The following PIGK variants were observed in gnomAD, a reference collection of about 807,000 sequenced individuals.
PIGK encodes the protein GPI-anchor transamidase.
PIGK carries 42 observed loss-of-function variants against 50.6 expected under a neutral mutation model. The ratio of observed to expected loss-of-function variants is 0.83; its 90% CI spans 0.65 to 1.07. The LOEUF (loss-of-function observed/expected upper bound fraction) is 1.07, where lower values mean the gene tolerates loss of function less well. Ranked by LOEUF, PIGK falls within the 50% of genes least tolerant of loss-of-function variation. The pLI, the probability that PIGK is intolerant of heterozygous loss-of-function variation, is 0.00. For synonymous variants in PIGK, 151 were observed against 156.0 expected, an observed-to-expected ratio of 0.97 and a Z score of 0.24; for missense variants, 448 against 488.7, an observed-to-expected ratio of 0.92 and a Z score of 0.78.
chr1:77,166,404 C>CTAT (rs1655233228), intron 5 of PIGK, among the ~76,000 whole-genome samples: 1 of 152,108 alleles, frequency 6.6e-6, no homozygotes, highest in Admixed American at 6.6e-5. Context: ...TTTGCAATTT[C>CTAT]TATTAGACAC....
intron 3 of PIGK, among the ~76,000 whole-genome samples, chr1:77,174,943 T>C (rs1175138931): frequency 1.3e-5 from 2 of 152,134 alleles, no homozygotes; most frequent in Non-Finnish European, 2.9e-5. Flanking sequence ...TGTATAGTTA[T>C]GTATGCGTTC....
At chr1:77,204,797 C>A (rs1010481394) in intron 3 of PIGK, among the ~76,000 whole-genome samples, 1 of 152,266 alleles carries the variant, frequency 6.6e-6, no homozygotes, top group South Asian at 2.1e-4. Flanking sequence ...TTTTAAAATA[C>A]AAACTGTGTT....
chr1:77,109,225 T>C (rs1042568310), intron 10 of PIGK, among the ~76,000 whole-genome samples: 1 of 152,116 alleles, frequency 6.6e-6, no homozygotes, highest in Non-Finnish European at 1.5e-5. Flanking sequence ...TTCCAATTAA[T>C]AGAAAAAGAG....
At chr1:77,207,732 C>G (rs1282043619) in intron 2 of PIGK, among the ~76,000 whole-genome samples, 2 of 152,140 alleles carry the variant, frequency 1.3e-5, no homozygotes, top group Non-Finnish European at 2.9e-5. Context: ...CAAGTACAAT[C>G]CCGGCTTCTA....
chr1:77,096,237 T>G (rs1171370188), intron 10 of PIGK, among the ~76,000 whole-genome samples: 1 of 152,182 alleles, frequency 6.6e-6, no homozygotes, highest in African/African-American at 2.4e-5. Context: ...CATAGTGTTC[T>G]AAGCACATCT....
intron 1 of PIGK, among the ~76,000 whole-genome samples, chr1:77,218,821 T>C (rs1010870975): frequency 6.6e-6 from 1 of 152,128 alleles, no homozygotes. Context: ...TTCTCTTCCA[T>C]TTCTTAACCC....
chr1:77,090,084 A>G lies in PIGK; in HGVS notation c.*2290T>C, dbSNP rs1653262940. 6.6e-6 allele frequency: 1 copy of G among 152,262 alleles called. No individual in the cohort carries two copies. Among genetic ancestry groups the G allele is most frequent in the South Asian group, 2.1e-4 (1 of 4,834 alleles). The allele number at this position is 152,262 out of a possible 1,614,324, so 9.4% of individuals were successfully genotyped here. A position where few individuals can be genotyped will look rare whatever the true frequency, so the allele number is the denominator to read the frequency against. ...GACATAAGAACAATAATGCCACCAT[A>G]TATTTACAATTTCAGAAGTGTTTAG... is the stretch of plus-strand genomic sequence containing the variant. On this transcript the variant is annotated 3_prime_UTR_variant, in exon 11 of 11. Transcript: ENST00000370812.
At chr1:77,152,156 C>T (rs757204953) in intron 9 of PIGK, among the ~76,000 whole-genome samples, 46 of 151,990 alleles carry the variant, frequency 3.0e-4, no homozygotes, top group Non-Finnish European at 6.0e-4. Flanking sequence ...AAAACAGACA[C>T]ACAGACCAAT....
chr1:77,185,733 ATAT>A (rs1230385845), intron 3 of PIGK, among the ~76,000 whole-genome samples: 1 of 152,248 alleles, frequency 6.6e-6, no homozygotes, highest in Non-Finnish European at 1.5e-5. Context: ...CACATGGGCC[ATAT>A]GACACAGCAG....
intron 1 of PIGK, 132 bp downstream of exon 1, chr1:77,219,178 C>A: frequency 3.0e-6 from 2 of 660,380 alleles, no homozygotes; most frequent in Non-Finnish European, 5.4e-6. Flanking sequence ...CCCAGTGATA[C>A]CCTCCTCAAA....
rs753087714 is a variant in PIGK, at chr1:77,161,528, T to C, written c.702+66A>G. The C allele has an allele frequency of 6.6e-5, 63 of 959,892 alleles. No individual in the cohort carries two copies. In the Admixed American group the frequency reaches 7.2e-4, roughly 11 times the overall value. 59.5% of individuals were successfully genotyped at this position (959,892 alleles called of 1,614,324 possible). ...AGAACAGATACATTCATAAAGCATT[T>C]AATTGGTTTCAGAAATAGCTGCACA... On this transcript the variant is annotated intron_variant, in intron 7 of 10. Transcript: ENST00000370812.
At chr1:77,206,292 TG>T (rs1254796718) in intron 3 of PIGK, among the ~76,000 whole-genome samples, 9 of 152,202 alleles carry the variant, frequency 5.9e-5, no homozygotes, top group Non-Finnish European at 1.0e-4. Context: ...GTAATCAATA[TG>T]CTTTCAATAA....
chr1:77,192,709 G>C (rs1655938411), intron 3 of PIGK, among the ~76,000 whole-genome samples: 1 of 152,144 alleles, frequency 6.6e-6, no homozygotes, highest in Non-Finnish European at 1.5e-5. Flanking sequence ...TAACATAGAA[G>C]TAGTGATTAA....
chr1:77,116,357 T>G (rs749804359), intron 10 of PIGK, among the ~76,000 whole-genome samples: 35 of 152,008 alleles, frequency 2.3e-4, no homozygotes, highest in East Asian at 1.9e-3. Context: ...CTAATTTTTT[T>G]TGTGTTTTTA....
At position 77,144,715 on chromosome 1, in the gene PIGK, A is replaced by T. The variant is rs541615681; in HGVS notation, c.986+9734T>A. 8.2e-4 allele frequency among the ~76,000 whole-genome samples: 125 copies of T among 152,044 alleles called. 1 individual carries two copies. The highest frequency in any genetic ancestry group is 3.0e-3 in the African/African-American group (124 of 41,566). Reference sequence around the variant, plus strand: ...AACTGCTAAAAAACAAAAACAAAAAACTACCCATGATATGACCAATCCATT... The same window carrying T: ...AACTGCTAAAAAACAAAAACAAAAATCTACCCATGATATGACCAATCCATT... On this transcript the variant is annotated intron_variant, in intron 9 of 10. Coordinates refer to ENST00000370812, the MANE Select transcript of PIGK (RefSeq NM_005482.3).
At position 77,125,691 on chromosome 1, in the gene PIGK, T is replaced by C. The variant is rs185054431; in HGVS notation, c.987-3332A>G. On this transcript the variant is annotated intron_variant, in intron 9 of 10. Coordinates refer to ENST00000370812, the MANE Select transcript of PIGK (RefSeq NM_005482.3). ...TCTAATACTATATCTTAAAAGTTGATTGTTATAAATCAAGTTTCCCAGGTA... is the reference window on the plus strand; with the variant it reads ...TCTAATACTATATCTTAAAAGTTGACTGTTATAAATCAAGTTTCCCAGGTA... Among the ~76,000 whole-genome samples, 679 of 152,268 alleles carry C rather than the reference T, an allele frequency of 4.5e-3. 7 individuals are homozygous for C. Among genetic ancestry groups the C allele is most frequent in the Non-Finnish European group, 7.0e-3 (477 of 67,986 alleles).
At chr1:77,175,568 TA>T (rs969235233) in intron 3 of PIGK, among the ~76,000 whole-genome samples, 4 of 151,624 alleles carry the variant, frequency 2.6e-5, no homozygotes, top group African/African-American at 4.8e-5. Context: ...TTGTTTTTGG[TA>T]AAAAAAAATT....
chr1:77,117,848 C>T (rs1469318666), intron 10 of PIGK, among the ~76,000 whole-genome samples: 4 of 152,094 alleles, frequency 2.6e-5, no homozygotes, highest in Non-Finnish European at 5.9e-5. Context: ...ATGTCTTCAA[C>T]CTGTCATGCT....
chr1:77,180,178 C>T (rs1315190154), intron 3 of PIGK, among the ~76,000 whole-genome samples: 1 of 152,142 alleles, frequency 6.6e-6, no homozygotes, highest in East Asian at 1.9e-4. Flanking sequence ...CCCTATTCTA[C>T]CATGCATGAT....
Sources: allele counts gnomAD v4.1 joint callset (sites outside exome capture counted in the v4.1 genomes callset), GRCh38; gene constraint gnomAD v4.1.1; transcripts MANE v1.5; gene names NCBI Gene and HGNC (gene_info 2026-07-23, HGNC 2026-07-21).